FBXL22: variants seen among roughly 807,000 people sequenced by gnomAD.
FBXL22 encodes the protein F-box and leucine-rich protein 22.
Under a neutral mutation model 11.7 loss-of-function variants are expected in FBXL22, and 13 were observed. That is an observed-to-expected ratio of 1.11 (90% CI 0.73 to 1.77). The LOEUF is 1.77. Ranked by LOEUF, FBXL22 falls within the 40% of genes most tolerant of loss-of-function variation. FBXL22 has a pLI of 0.00. For missense variants in FBXL22, 406 were observed against 320.4 expected (o/e 1.27, Z -2.04); for synonymous variants, 160 against 144.1 (o/e 1.11, Z -0.79).
chr15:63,597,792 C>T lies in FBXL22; in HGVS notation c.353+47C>T. ...GCAGTGCTGGCCCCGCTAGCTCTGG[C>T]TTCCCTCTTGGGGGGCAGGGAAGAG... On this transcript the variant is annotated intron_variant, in intron 1 of 1. Coordinates refer to ENST00000638704, the MANE Select transcript of FBXL22 (RefSeq NM_001367807.1). This position sits in a 1 kb window ranked among gnomAD's most constrained non-coding sequence, Gnocchi z 4.3. 2 of 1,506,956 alleles carry T rather than the reference C, an allele frequency of 1.3e-6. No homozygotes were observed. Among genetic ancestry groups the T allele is most frequent in the Non-Finnish European group, 1.8e-6 (2 of 1,123,098 alleles). The allele number at this position is 1,506,956 out of a possible 1,614,324, so 93.3% of individuals were successfully genotyped here. A position where few individuals can be genotyped will look rare whatever the true frequency, so the allele number is the denominator to read the frequency against.
chr15:63,600,951 G>T lies in FBXL22; in HGVS notation c.608G>T (p.Arg203Leu). ...LRAACPRLAL[R>L]AEHSAAMLPD... is the part of the protein sequence containing the mutation. ...GCCGCGTGCCCGCGCCTGGCCCTGCGGGCAGAGCACAGCGCCGCCATGCTG... is the reference window on the plus strand; with the variant it reads ...GCCGCGTGCCCGCGCCTGGCCCTGCTGGCAGAGCACAGCGCCGCCATGCTG... The change falls in exon 2 of 2, where the codon CGG becomes CTG. Residue 203 changes from arginine (R) to leucine (L), a missense_variant. By Grantham distance (102) the Arg-to-Leu change is moderately radical (BLOSUM62 -2). Coordinates refer to ENST00000638704, the MANE Select transcript of FBXL22 (RefSeq NM_001367807.1). 2 of 1,198,106 alleles carry T rather than the reference G, an allele frequency of 1.7e-6. No homozygotes were observed. Among genetic ancestry groups the T allele is most frequent in the Non-Finnish European group, 2.1e-6 (2 of 966,372 alleles). The allele number at this position is 1,198,106 out of a possible 1,614,324, so 74.2% of individuals were successfully genotyped here.
chr15:63,607,554 A>T, the FBXL22 span, among the ~76,000 whole-genome samples: 1 of 152,248 alleles, frequency 6.6e-6, no homozygotes, highest in African/African-American at 2.4e-5. Context: ...TAAAACGAAG[A>T]TGTCATCATT....
the FBXL22 span, among the ~76,000 whole-genome samples, chr15:63,607,948 G>A: frequency 0.017 from 2,572 of 152,260 alleles, 66 homozygotes; most frequent in African/African-American, 0.059. Flanking sequence ...CTCAGGGCCC[G>A]CAGGGGCTAG....
At chr15:63,604,734 C>T (rs1177835351), downstream of FBXL22, among the ~76,000 whole-genome samples, 1 of 152,196 alleles carries the variant, frequency 6.6e-6, no homozygotes, top group Non-Finnish European at 1.5e-5. Context: ...GGCATGGAAT[C>T]TCCGTGCCCC....
In FBXL22 at chr15:63,600,774, G is replaced by A. The variant is rs1361518877; in HGVS notation, c.431G>A (p.Cys144Tyr). 5.7e-6 allele frequency: 7 copies of A among 1,231,338 alleles called. No homozygotes were observed. The highest frequency in any genetic ancestry group is 6.1e-6 in the Non-Finnish European group (6 of 987,680). The allele number at this position is 1,231,338 out of a possible 1,614,324, so 76.3% of individuals were successfully genotyped here. A position where few individuals can be genotyped will look rare whatever the true frequency, so the allele number is the denominator to read the frequency against. ...TDDCLARLLR[C>Y]CPRLRALRLE... ...GACTGCCTGGCGCGCCTGCTGCGCT[G>A]CTGCCCACGCCTGCGCGCACTGCGC... The change falls in exon 2 of 2, where the codon TGC becomes TAC. Residue 144 changes from cysteine to tyrosine, a missense_variant. Coordinates refer to ENST00000638704, the MANE Select transcript of FBXL22 (RefSeq NM_001367807.1).
chr15:63,605,577 C>T (rs1002660447), downstream of FBXL22, among the ~76,000 whole-genome samples: 4 of 152,172 alleles, frequency 2.6e-5, no homozygotes, highest in Admixed American at 2.6e-4. Flanking sequence ...CATGGCACAG[C>T]AAAGGCAAAG....
At chr15:63,601,771 C>T, downstream of FBXL22, 5 of 1,413,680 alleles carry the variant, frequency 3.5e-6, no homozygotes, top group Non-Finnish European at 4.6e-6. Flanking sequence ...CTACTGTTCT[C>T]ATAAGGGAAA....
Position 63,600,971 on chromosome 15 carries a change from A to T in FBXL22, c.628A>T (p.Met210Leu). 3 of 1,192,702 alleles carry T rather than the reference A, an allele frequency of 2.5e-6. No individual in the cohort carries two copies. The highest frequency in any genetic ancestry group is 3.1e-6 in the Non-Finnish European group (3 of 962,966). The allele number at this position is 1,192,702 out of a possible 1,614,324, so 73.9% of individuals were successfully genotyped here. Residue 210 changes from methionine to leucine, a missense_variant, in exon 2 of 2, where the codon ATG becomes TTG. Coordinates refer to ENST00000638704, the MANE Select transcript of FBXL22 (RefSeq NM_001367807.1). Reference protein sequence around the residue: ...LALRAEHSAAMLPDQPPRPRA... With the variant: ...LALRAEHSAALLPDQPPRPRA... ...CCTGCGGGCAGAGCACAGCGCCGCC[A>T]TGCTGCCCGACCAGCCCCCGCGCCC...
At chr15:63,598,731 C>T (rs1029072182) in intron 1 of FBXL22, among the ~76,000 whole-genome samples, 17 of 152,290 alleles carry the variant, frequency 1.1e-4, no homozygotes, top group Admixed American at 9.1e-4. Flanking sequence ...AAGGAAACAG[C>T]GTAGTGACCC....
Position 63,601,207 on chromosome 15 carries a change from G to A in FBXL22, c.*168G>A, listed in dbSNP as rs571859287. The A allele has an allele frequency of 8.0e-6, 12 of 1,490,828 alleles. 1 individual carries two copies. The highest frequency in any genetic ancestry group is 4.9e-4 in the Middle Eastern group (2 of 4,058). 92.3% of individuals were successfully genotyped at this position (1,490,828 alleles called of 1,614,324 possible). A position where few individuals can be genotyped will look rare whatever the true frequency, so the allele number is the denominator to read the frequency against. Reference sequence around the variant, plus strand: ...CCTCACGTTACGATTTTATACATAGGATAAACGCAAGATTAAATGGATATT... The same window carrying A: ...CCTCACGTTACGATTTTATACATAGAATAAACGCAAGATTAAATGGATATT... On this transcript the variant is annotated 3_prime_UTR_variant, in exon 2 of 2. Coordinates refer to ENST00000638704, the MANE Select transcript of FBXL22 (RefSeq NM_001367807.1).
At chr15:63,605,074 G>T (rs547812212), downstream of FBXL22, among the ~76,000 whole-genome samples, 2 of 151,980 alleles carry the variant, frequency 1.3e-5, no homozygotes, top group East Asian at 3.9e-4. Context: ...AAAAAAAAAA[G>T]TAAAAAACAA....
chr15:63,603,631 C>T (rs567442860), downstream of FBXL22, among the ~76,000 whole-genome samples: 16 of 152,324 alleles, frequency 1.1e-4, no homozygotes, highest in South Asian at 1.2e-3. Flanking sequence ...GATTTTGTTC[C>T]AGGCAGAACA....
downstream of FBXL22, among the ~76,000 whole-genome samples, chr15:63,602,635 T>G (rs900940522): frequency 6.9e-5 from 10 of 144,796 alleles, no homozygotes; most frequent in Admixed American, 2.7e-4. Context: ...TGGAAAAAAG[T>G]GCAGGCTGTA....
downstream of FBXL22, chr15:63,601,507 C>G (rs181302627): frequency 6.4e-7 from 1 of 1,551,110 alleles, no homozygotes; most frequent in African/African-American, 1.4e-5. Flanking sequence ...CCCGCCGGCT[C>G]CCGGAGTGTC....
chr15:63,607,310 GC>G (rs2067426534), downstream of FBXL22, among the ~76,000 whole-genome samples: 1 of 152,212 alleles, frequency 6.6e-6, no homozygotes, highest in Non-Finnish European at 1.5e-5. Flanking sequence ...CTCCCAAAGT[GC>G]TGGGATTACA....
At chr15:63,600,592 G>C (rs1413486051) in intron 1 of FBXL22, 105 bp from the exon 2 acceptor site, 11 of 1,229,620 alleles carry the variant, frequency 8.9e-6, no homozygotes, top group Admixed American at 8.5e-5. Flanking sequence ...TCTTCACCTC[G>C]CAGGGCCCGA....
At chr15:63,601,397 A>C (rs1373662211), downstream of FBXL22, 4 of 1,598,386 alleles carry the variant, frequency 2.5e-6, no homozygotes, top group Admixed American at 5.1e-5. Context: ...GGAGGACCTG[A>C]CCACTCGGAG....
chr15:63,599,345 AC>A, intron 1 of FBXL22: 1 of 1,443,530 alleles, frequency 6.9e-7, no homozygotes, highest in Non-Finnish European at 9.1e-7. Flanking sequence ...AGAAAAGATC[AC>A]CCAACACCTT....
At chr15:63,608,346 G>A in the FBXL22 span, among the ~76,000 whole-genome samples, 1 of 152,236 alleles carries the variant, frequency 6.6e-6, no homozygotes, top group Non-Finnish European at 1.5e-5. Flanking sequence ...GGGCGGAGCA[G>A]CTGAGGGAAC....
Sources: gnomAD v4.1 joint callset for allele counts (sites outside exome capture counted in the v4.1 genomes callset) on GRCh38, gnomAD v4.1.1 for gene constraint, Gnocchi (gnomAD v3.1) non-coding constraint, MANE v1.5 for transcripts, NCBI Gene and HGNC (gene_info 2026-07-23, HGNC 2026-07-21) for gene names.